Variants in ERBIN observed in about 807,000 individuals in gnomAD.
ERBIN encodes the protein densin-180-like protein.
Under a neutral mutation model 158.4 loss-of-function variants are expected in ERBIN, and 60 were observed. That is an observed-to-expected ratio of 0.38 (90% CI 0.31 to 0.47). ERBIN has a LOEUF of 0.47. ERBIN is among the 20% of genes least tolerant of loss of function. The pLI is 0.99. For missense variants in ERBIN, 1,610 were observed against 1,648.0 expected (o/e 0.98, Z 0.40); for synonymous variants, 594 against 557.2 (o/e 1.07, Z -0.93).
intron 1 of ERBIN, among the ~76,000 whole-genome samples, chr5:65,947,281 G>A (rs563316466): frequency 1.6e-4 from 24 of 152,128 alleles, no homozygotes; most frequent in Non-Finnish European, 3.4e-4. Context: ...CCAGGCTGGA[G>A]TGCAGTGGTG....
intron 1 of ERBIN, among the ~76,000 whole-genome samples, chr5:65,976,019 A>G (rs1749814521): frequency 6.6e-6 from 1 of 152,136 alleles, no homozygotes; most frequent in Non-Finnish European, 1.5e-5. Flanking sequence ...GAATTCATGG[A>G]GGAAAAGAAG....
chr5:65,952,953 T>G (rs912114084), intron 1 of ERBIN, among the ~76,000 whole-genome samples: 7 of 152,090 alleles, frequency 4.6e-5, no homozygotes, highest in African/African-American at 1.7e-4. Context: ...AAAAAGAACT[T>G]GCCAAAAAAA....
intron 15 of ERBIN, among the ~76,000 whole-genome samples, chr5:66,041,462 A>C (rs1200700441): frequency 6.6e-6 from 1 of 151,992 alleles, no homozygotes. Flanking sequence ...AAAATATTAG[A>C]GTCCTCAGTA....
In ERBIN at chr5:65,999,978, A is replaced by G. The variant is rs1335214245; in HGVS notation, c.307+5114A>G. On this transcript the variant is annotated intron_variant, in intron 4 of 25. Transcript: ENST00000284037. ...ATCTACCTTTTCATCCTAAAGGAGT[A>G]TCTCTACATATGTTGACAGATAAAT... Among the ~76,000 whole-genome samples, 6 of 152,228 alleles carry G rather than the reference A, an allele frequency of 3.9e-5. 1 individual carries two copies. The highest frequency in any genetic ancestry group is 8.8e-5 in the Non-Finnish European group (6 of 68,040).
intron 1 of ERBIN, among the ~76,000 whole-genome samples, chr5:65,959,114 A>G (rs1390002375): frequency 1.3e-5 from 2 of 152,192 alleles, no homozygotes; most frequent in Non-Finnish European, 2.9e-5. Context: ...GGACATTTAT[A>G]CTATTATATG....
intron 23 of ERBIN, among the ~76,000 whole-genome samples, 198 bp downstream of exon 23, chr5:66,075,428 T>C (rs1405878318): frequency 6.6e-6 from 1 of 152,228 alleles, no homozygotes; most frequent in Non-Finnish European, 1.5e-5. Context: ...TAGGATTTAG[T>C]ATTTTGGGCA....
At chr5:65,965,656 G>T (rs902002430) in intron 1 of ERBIN, among the ~76,000 whole-genome samples, 1 of 152,130 alleles carries the variant, frequency 6.6e-6, no homozygotes, top group African/African-American at 2.4e-5. Context: ...GCCTCCCGAA[G>T]TGCTGGGATT....
At chr5:66,018,532 T>TAATATATTATATATTATATAA (rs1270709473) in intron 7 of ERBIN, among the ~76,000 whole-genome samples, 1 of 4,894 alleles carries the variant, frequency 2.0e-4, no homozygotes, top group Non-Finnish European at 4.2e-4. Flanking sequence ...ATATATTATA[T>TAATATATTATATATTATATAA]TATATAATAT....
intron 20 of ERBIN, 34 bp downstream of exon 20, chr5:66,051,000 A>G (rs1159813042): frequency 2.2e-6 from 3 of 1,381,388 alleles, no homozygotes; most frequent in Middle Eastern, 1.8e-4. Flanking sequence ...TTTTATTTAT[A>G]CAATAAATAG....
At chr5:66,011,026 A>G (rs1188104546) in intron 4 of ERBIN, among the ~76,000 whole-genome samples, 1 of 152,214 alleles carries the variant, frequency 6.6e-6, no homozygotes, top group Middle Eastern at 3.2e-3. Flanking sequence ...ATAATCCTTT[A>G]TCTCATTTGG....
rs185400011 is a variant in ERBIN at position 65,979,216 on chromosome 5, C to T, written c.-57-9419C>T. Among the ~76,000 whole-genome samples the T allele has an allele frequency of 1.6e-3, 248 of 152,182 alleles. 1 individual carries two copies. Among genetic ancestry groups the T allele is most frequent in the Middle Eastern group, 3.4e-3 (1 of 294 alleles). ...TGGAGGCAGGAGGATTGCTTTAGCC[C>T]AGGAGTTCAAGACCAGCCTGGGCAA... On this transcript the variant is annotated intron_variant, in intron 1 of 25. Transcript: ENST00000284037.
chr5:65,965,379 G>GTTTTTTTTTTTTT (rs1561304820), intron 1 of ERBIN, among the ~76,000 whole-genome samples: 11 of 103,664 alleles, frequency 1.1e-4, no homozygotes, highest in Admixed American at 8.5e-4. Flanking sequence ...TTTGTTTTTT[G>GTTTTTTTTTTTTT]TTGTTTTTTT....
chr5:66,001,895 T>C (rs1753045000), intron 4 of ERBIN, among the ~76,000 whole-genome samples: 1 of 152,112 alleles, frequency 6.6e-6, no homozygotes, highest in South Asian at 2.1e-4. Context: ...TTGCTGCACC[T>C]ATCAACCCGT....
At chr5:66,073,107 C>CTAAA (rs1761675788) in intron 22 of ERBIN, among the ~76,000 whole-genome samples, 1 of 152,068 alleles carries the variant, frequency 6.6e-6, no homozygotes, top group African/African-American at 2.4e-5. Context: ...TTTCTAATTT[C>CTAAA]CTGAGCCATC....
intron 9 of ERBIN, among the ~76,000 whole-genome samples, chr5:66,023,574 G>A (rs1029035049): frequency 7.9e-5 from 12 of 151,512 alleles, no homozygotes; most frequent in Non-Finnish European, 1.5e-4. Flanking sequence ...TTTTAATACT[G>A]TTGAGTGTGT....
chr5:66,053,364 C>A, intron 20 of ERBIN, 42 bp from the exon 21 acceptor site: 1 of 1,243,238 alleles, frequency 8.0e-7, no homozygotes, highest in Non-Finnish European at 1.1e-6. Flanking sequence ...ACTAAGAAAA[C>A]TCGGCTTTAT....
chr5:66,040,958 A>G (rs899999331), intron 15 of ERBIN, among the ~76,000 whole-genome samples: 1 of 151,850 alleles, frequency 6.6e-6, no homozygotes. Flanking sequence ...TTAATCAGAG[A>G]GAAAGGGAAG....
At position 66,053,723 on chromosome 5, in the gene ERBIN, A is replaced by C; in HGVS notation, c.2405A>C (p.Glu802Ala). 1 of 1,613,860 alleles carries C rather than the reference A, an allele frequency of 6.2e-7. No homozygotes were observed. Among genetic ancestry groups the C allele is most frequent in the Non-Finnish European group, 8.5e-7 (1 of 1,179,998 alleles). ...AGCTTTTTAAGCATTAATTCTAAAG[A>C]GGAAACTGAGCACTTGGAAAATGGA... is the stretch of plus-strand genomic sequence containing the variant. The part of the protein sequence containing the change: ...GTSFLSINSK[E>A]ETEHLENGNK... Residue 802 changes from glutamate to alanine, a missense_variant, in exon 21 of 26, where the codon GAG becomes GCG. Coordinates refer to ENST00000284037, the MANE Select transcript of ERBIN (RefSeq NM_001253697.2).
intron 25 of ERBIN, 60 bp downstream of exon 25, chr5:66,077,009 A>G (rs1762041388): frequency 5.4e-6 from 7 of 1,287,966 alleles, no homozygotes; most frequent in African/African-American, 1.5e-5. Context: ...TTCACAGTTT[A>G]AAATGTTTTC....
Sources: gnomAD v4.1 joint callset for allele counts (sites outside exome capture counted in the v4.1 genomes callset) on GRCh38, gnomAD v4.1.1 for gene constraint, MANE v1.5 for transcripts, NCBI Gene and HGNC (gene_info 2026-07-23, HGNC 2026-07-21) for gene names.